Variants in KIAA1549L observed in about 807,000 individuals in gnomAD.
KIAA1549L encodes UPF0606 protein KIAA1549L.
Under a neutral mutation model 160.7 loss-of-function variants are expected in KIAA1549L, and 88 were observed. The ratio of observed to expected loss-of-function variants is 0.55; its 90% CI spans 0.46 to 0.65. The LOEUF (loss-of-function observed/expected upper bound fraction) is 0.65. Ranked by LOEUF, KIAA1549L falls within the 30% of genes least tolerant of loss-of-function variation. The pLI, the probability that KIAA1549L is intolerant of heterozygous loss-of-function variation, is 0.00. For missense variants in KIAA1549L, 2,258 were observed against 2,437.5 expected (o/e 0.93, Z 1.55); for synonymous variants, 950 against 976.7 (o/e 0.97, Z 0.51).
chr11:33,473,390 C>T (rs1330978887), intron 1 of KIAA1549L, among the ~76,000 whole-genome samples: 1 of 152,138 alleles, frequency 6.6e-6, no homozygotes. Context: ...ACAGGGGATA[C>T]TTCCTGGAGG....
chr11:33,524,731 T>C (rs1433140138), intron 1 of KIAA1549L, among the ~76,000 whole-genome samples: 1 of 152,242 alleles, frequency 6.6e-6, no homozygotes, highest in African/African-American at 2.4e-5. Flanking sequence ...TGTATGTCTC[T>C]ACTTTTTCCT....
At position 33,543,862 on chromosome 11, in the gene KIAA1549L, G is replaced by A; in HGVS notation, c.2299G>A (p.Val767Met). 1 of 1,614,058 alleles carries A rather than the reference G, an allele frequency of 6.2e-7. No homozygotes were observed. The highest frequency in any genetic ancestry group is 1.3e-5 in the African/African-American group (1 of 75,072). ...TTTCAAAGATACTGCTGGGCATTCA[G>A]TGACTGCAGAAGGGTTTAGTATTCA... ...QDFKDTAGHS[V>M]TAEGFSIQDL... Residue 767 changes from valine (V) to methionine (M), a missense_variant, in exon 2 of 21, where the codon GTG becomes ATG. By Grantham distance (21) the Val-to-Met change is conservative (BLOSUM62 1). Transcript: ENST00000658780.
chr11:33,462,429 A>T (rs1460222328), intron 1 of KIAA1549L, among the ~76,000 whole-genome samples: 1 of 152,184 alleles, frequency 6.6e-6, no homozygotes, highest in Non-Finnish European at 1.5e-5. Context: ...CTGTAAAAAA[A>T]TTTTCCTTTT....
intron 1 of KIAA1549L, among the ~76,000 whole-genome samples, chr11:33,484,289 T>A (rs1415571343): frequency 1.3e-5 from 2 of 152,330 alleles, no homozygotes; most frequent in Admixed American, 1.3e-4. Context: ...AAATGGAGAA[T>A]GTTGTCTTAA....
intron 11 of KIAA1549L, among the ~76,000 whole-genome samples, chr11:33,584,358 G>T (rs773717174): frequency 8.5e-5 from 13 of 152,356 alleles, no homozygotes; most frequent in Non-Finnish European, 1.6e-4. Context: ...TGGAGAAGCT[G>T]CAGGGCTTTG....
At chr11:33,480,408 G>A (rs1476839295) in intron 1 of KIAA1549L, among the ~76,000 whole-genome samples, 1 of 152,086 alleles carries the variant, frequency 6.6e-6, no homozygotes, top group African/African-American at 2.4e-5. Flanking sequence ...GTATAGATGG[G>A]CTTTACTTTA....
chr11:33,506,483 T>A (rs1460076542), intron 1 of KIAA1549L, among the ~76,000 whole-genome samples: 1 of 152,138 alleles, frequency 6.6e-6, no homozygotes, highest in Non-Finnish European at 1.5e-5. Context: ...ATCAGCACTT[T>A]GGGAGGTTGA....
At chr11:33,613,248 G>T (rs1850693337) in intron 15 of KIAA1549L, among the ~76,000 whole-genome samples, 1 of 152,034 alleles carries the variant, frequency 6.6e-6, no homozygotes, top group South Asian at 2.1e-4. Flanking sequence ...CCTTTTTCCT[G>T]TAACCTCACC....
At chr11:33,503,815 A>G (rs1454075256) in intron 1 of KIAA1549L, among the ~76,000 whole-genome samples, 1 of 152,234 alleles carries the variant, frequency 6.6e-6, no homozygotes, top group Non-Finnish European at 1.5e-5. Context: ...CTGTGAATGT[A>G]ACCCTTCAAT....
chr11:33,665,560 T>C (rs1424835105), intron 20 of KIAA1549L: 1 of 151,760 alleles, frequency 6.6e-6, no homozygotes, highest in African/African-American at 2.4e-5. Flanking sequence ...AGGGCTTTTA[T>C]GGACCTCAGA....
chr11:33,640,660 C>G (rs10742298), intron 16 of KIAA1549L, among the ~76,000 whole-genome samples: 106,243 of 152,182 alleles, frequency 0.7, 38,025 homozygotes, highest in African/African-American at 0.88. Flanking sequence ...ATGTGCACGA[C>G]GTAAAAATGT....
In KIAA1549L at chr11:33,543,284, A is replaced by AGGCAAATG; in HGVS notation, c.1722_1729dup (p.Val577GlyfsTer4). On this transcript the variant is annotated frameshift_variant, in exon 2 of 21. Coordinates refer to ENST00000658780, the MANE Select transcript of KIAA1549L (RefSeq NM_012194.3). LOFTEE classifies it high-confidence loss of function. ...ACAGCCATTTTAGGGAAGAATGAAGAGGCAAATGTGACGATTCCTCTCCAG... is the reference window on the plus strand; with the variant it reads ...ACAGCCATTTTAGGGAAGAATGAAGAGGCAAATGGGCAAATGTGACGATTCCTCTCCAG... 1 of 1,614,058 alleles carries AGGCAAATG rather than the reference A, an allele frequency of 6.2e-7. No homozygotes were observed. The highest frequency in any genetic ancestry group is 8.5e-7 in the Non-Finnish European group (1 of 1,179,894).
intron 1 of KIAA1549L, among the ~76,000 whole-genome samples, chr11:33,530,599 G>A (rs1331007441): frequency 6.6e-6 from 1 of 151,270 alleles, no homozygotes; most frequent in Non-Finnish European, 1.5e-5. Context: ...GATGCCGGGA[G>A]AAGAAGAGAG....
At chr11:33,484,532 C>T (rs916635785) in intron 1 of KIAA1549L, among the ~76,000 whole-genome samples, 1 of 152,228 alleles carries the variant, frequency 6.6e-6, no homozygotes, top group Non-Finnish European at 1.5e-5. Context: ...CCTGTGTAAC[C>T]TGGCTTCTCC....
chr11:33,587,519 C>T (rs1849918368), intron 11 of KIAA1549L, among the ~76,000 whole-genome samples: 1 of 152,204 alleles, frequency 6.6e-6, no homozygotes, highest in Non-Finnish European at 1.5e-5. Flanking sequence ...GTTTGCCTTG[C>T]TTACCTCACA....
chr11:33,620,253 A>G (rs1278880946), intron 16 of KIAA1549L, among the ~76,000 whole-genome samples: 1 of 152,210 alleles, frequency 6.6e-6, no homozygotes, highest in African/African-American at 2.4e-5. Context: ...ACCCTTACAG[A>G]CATGTATAAG....
At chr11:33,630,194 C>G (rs12282172) in intron 16 of KIAA1549L, among the ~76,000 whole-genome samples, 1 of 150,642 alleles carries the variant, frequency 6.6e-6, no homozygotes. Context: ...GCTGTCAGAC[C>G]GGGACATTTA....
At position 33,621,189 on chromosome 11, in the gene KIAA1549L, G is replaced by A. The variant is rs147633926; in HGVS notation, c.5409+2527G>A. On this transcript the variant is annotated intron_variant, in intron 16 of 20. Coordinates refer to ENST00000658780, the MANE Select transcript of KIAA1549L (RefSeq NM_012194.3). ...AATAAATGCATAAATAAGCAAATAC[G>A]TGCTACACAGGCAAATCTTAGCACC... is the stretch of plus-strand genomic sequence containing the variant. Among the ~76,000 whole-genome samples the A allele has an allele frequency of 3.3e-5, 5 of 152,262 alleles. No homozygotes were observed. The East Asian group carries it at 7.7e-4, about 23-fold the overall frequency.
intron 9 of KIAA1549L, among the ~76,000 whole-genome samples, chr11:33,569,834 A>G (rs1337284549): frequency 1.3e-5 from 2 of 152,074 alleles, no homozygotes; most frequent in African/African-American, 2.4e-5. Context: ...CACTTTTCCA[A>G]ATGACAGGAA....
Sources: gnomAD v4.1 joint callset for allele counts (sites outside exome capture counted in the v4.1 genomes callset) on GRCh38, gnomAD v4.1.1 for gene constraint, MANE v1.5 for transcripts, NCBI Gene and HGNC (gene_info 2026-07-23, HGNC 2026-07-21) for gene names.